Variants in HMOX1 observed in about 807,000 individuals in gnomAD.
HMOX1 encodes heat shock protein, 32-kD.
In HMOX1, 22 loss-of-function variants were observed where a neutral mutation model predicts 27.8. The ratio of observed to expected loss-of-function variants is 0.79; its 90% confidence interval spans 0.57 to 1.13. The LOEUF (loss-of-function observed/expected upper bound fraction) is 1.13. Among genes scored for constraint, HMOX1 ranks in the 50% most tolerant of loss-of-function variants. The pLI is 0.00. For synonymous variants in HMOX1, 153 were observed against 151.6 expected (o/e 1.01, Z -0.07); for missense variants, 379 against 377.7 (o/e 1.00, Z -0.03).
Position 35,383,141 on chromosome 22 carries a change from C to A in HMOX1, c.59C>A (p.Ala20Asp), listed in dbSNP as rs759034514. 4 of 1,613,756 alleles carry A rather than the reference C, an allele frequency of 2.5e-6. No homozygotes were observed. The highest frequency in any genetic ancestry group is 1.7e-6 in the Non-Finnish European group (2 of 1,179,736). ...PQDLSEALKEATKEVHTQAEN... is the reference protein window; with the variant it reads ...PQDLSEALKEDTKEVHTQAEN... ...GATTTGTCAGAGGCCCTGAAGGAGG[C>A]CACCAAGGAGGTGCACACCCAGGCA... The change falls in exon 2 of 5, where the codon GCC becomes GAC. Residue 20 changes from alanine to aspartate, a missense_variant. Physicochemically the swap from Ala to Asp is moderately radical, Grantham distance 126. Coordinates refer to ENST00000216117, the MANE Select transcript of HMOX1 (RefSeq NM_002133.3).
At chr22:35,392,717 C>A (rs977053162) in intron 4 of HMOX1, among the ~76,000 whole-genome samples, 2 of 136,316 alleles carry the variant, frequency 1.5e-5, no homozygotes, top group East Asian at 2.1e-4. Flanking sequence ...TGTTTTAAAT[C>A]TTTTTTTTTT....
intron 3 of HMOX1, among the ~76,000 whole-genome samples, chr22:35,389,213 C>CTT (rs879385965): frequency 0.19 from 23,747 of 122,600 alleles, 3,597 homozygotes; most frequent in South Asian, 0.25. Flanking sequence ...TTCTTTCTTT[C>CTT]TCTCTTTCTT....
At chr22:35,384,446 G>A (rs1931460622) in intron 2 of HMOX1, among the ~76,000 whole-genome samples, 1 of 152,038 alleles carries the variant, frequency 6.6e-6, no homozygotes, top group East Asian at 1.9e-4. Context: ...CCTTGGGCCT[G>A]TAATGGGTCT....
intron 4 of HMOX1, among the ~76,000 whole-genome samples, chr22:35,392,755 T>C (rs1315105122): frequency 1.3e-5 from 2 of 151,406 alleles, no homozygotes; most frequent in African/African-American, 2.4e-5. Context: ...TCTCACTCTG[T>C]TGCCCAGGCT....
intron 2 of HMOX1, among the ~76,000 whole-genome samples, chr22:35,385,493 A>C (rs1931479717): frequency 6.8e-6 from 1 of 148,046 alleles, no homozygotes; most frequent in African/African-American, 2.5e-5. Context: ...AAGCTGGAGT[A>C]CAGTGATATG....
intron 1 of HMOX1, among the ~76,000 whole-genome samples, chr22:35,381,963 C>T (rs188250987): frequency 6.6e-6 from 1 of 152,136 alleles, no homozygotes; most frequent in Non-Finnish European, 1.5e-5. Flanking sequence ...GACAGAAATA[C>T]TCCCAGAAAG....
At chr22:35,388,810 A>AAC (rs72483693) in intron 3 of HMOX1, among the ~76,000 whole-genome samples, 3 of 131,032 alleles carry the variant, frequency 2.3e-5, no homozygotes, top group African/African-American at 1.3e-4. Context: ...AACAAAAAAC[A>AAC]AACAAAAAAA....
chr22:35,389,344 C>T (rs1434940588), intron 3 of HMOX1, among the ~76,000 whole-genome samples: 1 of 29,992 alleles, frequency 3.3e-5, no homozygotes, highest in Non-Finnish European at 5.6e-5. Context: ...CTTTCTTCTC[C>T]TTCCTTCCTT....
intron 3 of HMOX1, 32 bp from the exon 4 acceptor site, chr22:35,389,832 T>C (rs765672277): frequency 7.0e-7 from 1 of 1,427,824 alleles, no homozygotes; most frequent in Admixed American, 1.9e-5. Flanking sequence ...CATCTCTCAC[T>C]GAGATAGGCA....
At chr22:35,389,343 CCTT>C (rs1931626276) in intron 3 of HMOX1, among the ~76,000 whole-genome samples, 1 of 30,278 alleles carries the variant, frequency 3.3e-5, no homozygotes, top group Admixed American at 2.7e-4. Context: ...TCTTTCTTCT[CCTT>C]CCTTCCTTCC....
intron 2 of HMOX1, among the ~76,000 whole-genome samples, chr22:35,385,747 C>T (rs55815140): frequency 2.4e-3 from 366 of 151,088 alleles, no homozygotes; most frequent in African/African-American, 8.5e-3. Context: ...TCCCGAGTAG[C>T]TGGGATTATA....
At chr22:35,390,231 T>G (rs1931679669) in intron 4 of HMOX1, 1 of 488,636 alleles carries the variant, frequency 2.0e-6, no homozygotes, top group African/African-American at 2.0e-5. Context: ...AGCCTGAATG[T>G]TTGTTGTTGT....
intron 4 of HMOX1, among the ~76,000 whole-genome samples, chr22:35,392,644 C>T (rs1931749577): frequency 6.6e-6 from 1 of 152,088 alleles, no homozygotes; most frequent in Non-Finnish European, 1.5e-5. Context: ...GGAGCACCCA[C>T]TCTGTGCCTG....
At chr22:35,388,202 A>G (rs1931555028) in intron 3 of HMOX1, among the ~76,000 whole-genome samples, 1 of 152,216 alleles carries the variant, frequency 6.6e-6, no homozygotes, top group Non-Finnish European at 1.5e-5. Context: ...TATAATACCA[A>G]CACTTTGGGA....
intron 3 of HMOX1, 140 bp downstream of exon 3, chr22:35,387,316 G>T: frequency 1.0e-6 from 1 of 959,082 alleles, no homozygotes; most frequent in South Asian, 1.4e-5. Flanking sequence ...TACTAGCTGG[G>T]TGATCTTGGG....
chr22:35,390,117 G>T lies in HMOX1; in HGVS notation c.736+154G>T, dbSNP rs558169724. 318 of 692,256 alleles carry T rather than the reference G, an allele frequency of 4.6e-4. 1 individual carries two copies. In the African/African-American group the frequency reaches 4.9e-3, roughly 11 times the overall value. The allele number at this position is 692,256 out of a possible 1,614,324, so 42.9% of individuals were successfully genotyped here. A position where few individuals can be genotyped will look rare whatever the true frequency, so the allele number is the denominator to read the frequency against. On this transcript the variant is annotated intron_variant, in intron 4 of 4. Transcript: ENST00000216117. Reference sequence around the variant, plus strand: ...CACCCCACTGCCCCTGTAAGGACAGGTTCTCGCTATATTGCCCAGGCCAGT... The same window carrying T: ...CACCCCACTGCCCCTGTAAGGACAGTTTCTCGCTATATTGCCCAGGCCAGT...
Position 35,393,597 on chromosome 22 carries a change from G to GA in HMOX1, c.*1dup. 6.2e-7 allele frequency: 1 copy of GA among 1,614,154 alleles called. No individual in the cohort carries two copies. The highest frequency in any genetic ancestry group is 8.5e-7 in the Non-Finnish European group (1 of 1,179,994). The change falls in exon 5 of 5, where the codon TGA becomes TGAA. Residue 289 remains the stop codon, a frameshift_variant and stop_retained_variant. Coordinates refer to ENST00000216117, the MANE Select transcript of HMOX1 (RefSeq NM_002133.3). LOFTEE classifies it high-confidence loss of function. The part of the protein sequence containing the change: ...ATVAVGLYAM[*] ...GTTGCTGTAGGGCTTTATGCCATGT[G>GA]AATGCAGGCATGCTGGCTCCCAGGG...
intron 4 of HMOX1, 118 bp from the exon 5 acceptor site, chr22:35,393,350 G>A (rs1931770623): frequency 8.1e-7 from 1 of 1,238,412 alleles, no homozygotes; most frequent in South Asian, 1.2e-5. Flanking sequence ...GCAGAATCCT[G>A]GCGTTGGGCA....
At chr22:35,389,206 T>C (rs551479218) in intron 3 of HMOX1, among the ~76,000 whole-genome samples, 23 of 128,200 alleles carry the variant, frequency 1.8e-4, no homozygotes, top group Non-Finnish European at 2.9e-4. Context: ...TCTTTCTTTC[T>C]TTCTTTCTCT....
Sources: gnomAD v4.1 joint callset for allele counts (sites outside exome capture counted in the v4.1 genomes callset) on GRCh38, gnomAD v4.1.1 for gene constraint, MANE v1.5 for transcripts, NCBI Gene and HGNC (gene_info 2026-07-23, HGNC 2026-07-21) for gene names.